ATG2A: variants seen among roughly 807,000 people sequenced by gnomAD.
ATG2A encodes autophagy related 2A.
In ATG2A, 103 loss-of-function variants were observed where a neutral mutation model predicts 214.2. That is an observed-to-expected ratio of 0.48 (90% CI 0.41 to 0.57). The LOEUF (loss-of-function observed/expected upper bound fraction) is 0.57. ATG2A is among the 20% of genes least tolerant of loss of function. The pLI is 0.00. For synonymous variants in ATG2A, 1,160 were observed against 1,142.1 expected (o/e 1.02, Z -0.32); for missense variants, 2,312 against 2,613.2 (o/e 0.88, Z 2.51).
At chr11:64,912,933 C>T (rs1233877045) in intron 6 of ATG2A, 105 bp downstream of exon 6, 3 of 836,688 alleles carry the variant, frequency 3.6e-6, no homozygotes, top group Non-Finnish European at 5.5e-6. Flanking sequence ...GAAGTAAATC[C>T]CGCACTTGAC....
At position 64,894,976 on chromosome 11, in the gene ATG2A, G is replaced by A. The variant is rs1944095844; in HGVS notation, c.5814C>T (p.Asp1938=). 3 of 1,612,188 alleles carry A rather than the reference G, an allele frequency of 1.9e-6. No homozygotes were observed. Among genetic ancestry groups the A allele is most frequent in the Non-Finnish European group, 2.5e-6 (3 of 1,179,062 alleles). The change falls in exon 41 of 41, where the codon GAC becomes GAT. Residue 1938 remains aspartate (D), a synonymous_variant. Transcript: ENST00000377264. ...CTGGGTGCCGGGCACCCCAGGCTCA[G>A]TCTTGGGCACTGTCCGAGCGCCACT... ...ALKWRSDSAQ[D]
rs766476099 is a variant in ATG2A, at chr11:64,911,912, A to G, written c.1158T>C (p.Asp386=). Residue 386 remains aspartate, a synonymous_variant, in exon 9 of 41, where the codon GAT becomes GAC. Transcript: ENST00000377264. The part of the protein sequence containing the change: ...ASALSELSLS[D]VDLASSVRSD... ...TGCGCACAGAGGAGGCCAGGTCTAC[A>G]TCGGAGAGGGAGAGCTCAGAGAGGG... 3.7e-6 allele frequency: 6 copies of G among 1,613,552 alleles called. No individual in the cohort carries two copies. The highest frequency in any genetic ancestry group is 2.7e-5 in the African/African-American group (2 of 74,940).
intron 7 of ATG2A, 33 bp downstream of exon 7, chr11:64,912,294 C>T: frequency 1.3e-6 from 2 of 1,553,928 alleles, no homozygotes; most frequent in Non-Finnish European, 1.8e-6. Flanking sequence ...GCCCTCCCAG[C>T]CACCCCACCC....
intron 39 of ATG2A, among the ~76,000 whole-genome samples, chr11:64,896,032 C>T (rs1328251418): frequency 2.0e-5 from 3 of 152,228 alleles, no homozygotes; most frequent in Non-Finnish European, 2.9e-5. Context: ...GACCATCGAT[C>T]CCCTACAGAA....
At chr11:64,899,589 T>C (rs547900490) in intron 31 of ATG2A, among the ~76,000 whole-genome samples, 22 of 152,188 alleles carry the variant, frequency 1.4e-4, no homozygotes, top group African/African-American at 4.8e-4. Context: ...CCCCAGGCAA[T>C]TTCCCAGGCC....
At position 64,906,107 on chromosome 11, in the gene ATG2A, G is replaced by C. The variant is rs780779713; in HGVS notation, c.3264+6C>G. On this transcript the variant is annotated splice_donor_region_variant and intron_variant, in intron 22 of 40. Coordinates refer to ENST00000377264, the MANE Select transcript of ATG2A (RefSeq NM_015104.3). ...GGCCATGTGGCTTCCCACCACCCAC[G>C]CTCACCTGGGAATGCCAGCTCTGCT... 1 of 1,569,246 alleles carries C rather than the reference G, an allele frequency of 6.4e-7. No individual in the cohort carries two copies. Among genetic ancestry groups the C allele is most frequent in the Admixed American group, 1.9e-5 (1 of 53,304 alleles).
In ATG2A at chr11:64,894,691, G is replaced by T; in HGVS notation, c.*282C>A. ...CTTGGCTGAGTGGGATGGGGTCCGA[G>T]GGTCCAAAAGCCTCCGTCCTGGGAG... On this transcript the variant is annotated 3_prime_UTR_variant, in exon 41 of 41. Coordinates refer to ENST00000377264, the MANE Select transcript of ATG2A (RefSeq NM_015104.3). 1.5e-6 allele frequency: 1 copy of T among 679,720 alleles called. No individual in the cohort carries two copies. The highest frequency in any genetic ancestry group is 2.7e-6 in the Non-Finnish European group (1 of 369,950). The allele number at this position is 679,720 out of a possible 1,614,324, so 42.1% of individuals were successfully genotyped here. A position where few individuals can be genotyped will look rare whatever the true frequency, so the allele number is the denominator to read the frequency against.
intron 24 of ATG2A, among the ~76,000 whole-genome samples, chr11:64,904,042 T>G (rs559822153): frequency 6.6e-6 from 1 of 151,788 alleles, no homozygotes; most frequent in Non-Finnish European, 1.5e-5. Flanking sequence ...TATCAGGAGT[T>G]TGAGACCAGC....
intron 24 of ATG2A, among the ~76,000 whole-genome samples, chr11:64,904,154 G>A (rs1037174305): frequency 6.6e-6 from 1 of 152,064 alleles, no homozygotes; most frequent in African/African-American, 2.4e-5. Flanking sequence ...GCTGAGGCAG[G>A]AGAATCTCTT....
intron 6 of ATG2A, chr11:64,912,813 G>A (rs1944827131): frequency 4.0e-6 from 2 of 495,102 alleles, no homozygotes; most frequent in Non-Finnish European, 7.1e-6. Flanking sequence ...GGCTGGTCTC[G>A]AACTCCTGAC....
In ATG2A at chr11:64,894,811, GGCCCCCCTCTC is replaced by G; in HGVS notation, c.*151_*161del. ...CAGGGCTAAGGCCCCAAGGCAGGGA[GGCCCCCCTCTC>G]ACAGCAGATTGGCAACGGGCAGGCT... On this transcript the variant is annotated 3_prime_UTR_variant, in exon 41 of 41. Transcript: ENST00000377264. 1.1e-6 allele frequency: 1 copy of G among 889,918 alleles called. No individual in the cohort carries two copies. The highest frequency in any genetic ancestry group is 1.9e-6 in the Non-Finnish European group (1 of 536,592). 55.1% of individuals were successfully genotyped at this position (889,918 alleles called of 1,614,324 possible). A position where few individuals can be genotyped will look rare whatever the true frequency, so the allele number is the denominator to read the frequency against.
intron 24 of ATG2A, among the ~76,000 whole-genome samples, chr11:64,904,824 C>T (rs532406826): frequency 0.02 from 2,399 of 122,572 alleles, 37 homozygotes; most frequent in African/African-American, 0.056. Flanking sequence ...TTTTATCTAT[C>T]TATCTATCTA....
At chr11:64,896,085 T>C (rs1944138333) in intron 39 of ATG2A, among the ~76,000 whole-genome samples, 1 of 152,224 alleles carries the variant, frequency 6.6e-6, no homozygotes, top group African/African-American at 2.4e-5. Flanking sequence ...CCAGCTTCCC[T>C]GGGGTCCTTC....
chr11:64,899,007 G>C (rs1050904000), intron 31 of ATG2A, among the ~76,000 whole-genome samples, 165 bp from the exon 32 acceptor site: 2 of 152,166 alleles, frequency 1.3e-5, no homozygotes, highest in African/African-American at 4.8e-5. Context: ...TCTGCCTCTC[G>C]GGTTCAAGCG....
intron 29 of ATG2A, among the ~76,000 whole-genome samples, chr11:64,901,375 C>T (rs1160466771): frequency 6.6e-6 from 1 of 152,030 alleles, no homozygotes; most frequent in Non-Finnish European, 1.5e-5. Context: ...TTTGTAGAGA[C>T]GGGGTCTCAC....
chr11:64,900,053 A>C (rs1944298913), intron 31 of ATG2A, among the ~76,000 whole-genome samples: 2 of 143,852 alleles, frequency 1.4e-5, no homozygotes, highest in Non-Finnish European at 3.0e-5. Flanking sequence ...TTTGGTAGAA[A>C]TGGGGTTTCG....
Position 64,907,845 on chromosome 11 carries a change from G to T in ATG2A, c.2410C>A (p.Arg804=). ...DPEEMRTFQS[R]TLALSRCSLE... is the part of the protein sequence containing the mutation. ...CTGCAGCGGGACAGTGCCAGGGTCC[G>T]GCTCTGGAACGTCCTCATCTCCTCA... Residue 804 remains arginine (R), a synonymous_variant, in exon 17 of 41, where the codon CGG becomes AGG. Coordinates refer to ENST00000377264, the MANE Select transcript of ATG2A (RefSeq NM_015104.3). The T allele has an allele frequency of 6.2e-7, 1 of 1,613,150 alleles. No individual in the cohort carries two copies. Among genetic ancestry groups the T allele is most frequent in the Non-Finnish European group, 8.5e-7 (1 of 1,179,884 alleles).
intron 1 of ATG2A, 102 bp from the exon 2 acceptor site, chr11:64,914,602 T>C: frequency 1.4e-6 from 2 of 1,425,464 alleles, no homozygotes; most frequent in Non-Finnish European, 1.9e-6. Flanking sequence ...ACCCTTGGCT[T>C]GCCCTGTCCC....
Position 64,895,366 on chromosome 11 carries a change from G to T in ATG2A, c.5504C>A (p.Ala1835Glu). 1.9e-6 allele frequency: 3 copies of T among 1,612,918 alleles called. No homozygotes were observed. Among genetic ancestry groups the T allele is most frequent in the South Asian group, 2.2e-5 (2 of 91,006 alleles). Residue 1835 changes from alanine to glutamate, a missense_variant, in exon 40 of 41, where the codon GCG (alanine) becomes GAG (glutamate). Transcript: ENST00000377264. This position sits in a 1 kb window ranked among gnomAD's most constrained non-coding sequence, Gnocchi z 5.0. ...VSRSLQDKRS[A>E]RRLRRGQQPA... is the part of the protein sequence containing the mutation. Reference sequence around the variant, plus strand: ...CTGCTGGCCCCTGCGCAGCCTCCGCGCAGAGCGCTTATCCTGCAGGGAGCG... The same window carrying T: ...CTGCTGGCCCCTGCGCAGCCTCCGCTCAGAGCGCTTATCCTGCAGGGAGCG...
Sources: allele counts gnomAD v4.1 joint callset (sites outside exome capture counted in the v4.1 genomes callset), GRCh38; gene constraint gnomAD v4.1.1; non-coding constraint Gnocchi (gnomAD v3.1); transcripts MANE v1.5; gene names NCBI Gene and HGNC (gene_info 2026-07-23, HGNC 2026-07-21).